Variants in ZNF626 observed in about 807,000 individuals in gnomAD.
The protein encoded by ZNF626 is CTC-513N18.7.
In ZNF626, 4 loss-of-function variants were observed where a neutral mutation model predicts 11.7. The observed-to-expected ratio is 0.34, with a 90% confidence interval of 0.17 to 0.78. The LOEUF (loss-of-function observed/expected upper bound fraction) is 0.78, where lower values mean the gene tolerates loss of function less well. Ranked by LOEUF, ZNF626 falls within the 30% of genes least tolerant of loss-of-function variation. The pLI is 0.57. For missense variants in ZNF626, 588 were observed against 587.1 expected (o/e 1.00, Z -0.01); for synonymous variants, 179 against 198.6 (o/e 0.90, Z 0.83).
Position 20,625,085 on chromosome 19 carries a change from T to C in ZNF626, c.792A>G (p.Lys264=), listed in dbSNP as rs1555769371. 6.2e-7 allele frequency: 1 copy of C among 1,613,568 alleles called. No homozygotes were observed. The highest frequency in any genetic ancestry group is 2.2e-5 in the East Asian group (1 of 44,844). The change falls in exon 4 of 4, where the codon AAA becomes AAG. Residue 264 remains lysine, a synonymous_variant. Coordinates refer to ENST00000601440, the MANE Select transcript of ZNF626 (RefSeq NM_001076675.3). ...TAAGGGTTGAGGATGACATAAAGGC[T>C]TTGCCACATTTATCACACTTGTAGG... is the stretch of plus-strand genomic sequence containing the variant. ...EKPYKCDKCG[K]AFMSSSTLSK... is the part of the protein sequence containing the mutation.
rs552630903 is a variant in ZNF626, at chr19:20,648,915, G to C, written c.4-2510C>G. On this transcript the variant is annotated intron_variant, in intron 1 of 3. Transcript: ENST00000601440. ...CTATGATGCGGAGAATAAGGAGAAG[G>C]CTCTGAAATATAGGAAAGAAATATT... Among the ~76,000 whole-genome samples, 142 of 152,288 alleles carry C rather than the reference G, an allele frequency of 9.3e-4. 1 individual carries two copies. The highest frequency in any genetic ancestry group is 3.4e-3 in the Middle Eastern group (1 of 294).
intron 1 of ZNF626, among the ~76,000 whole-genome samples, chr19:20,647,761 C>T (rs1483431537): frequency 2.6e-5 from 4 of 152,046 alleles, no homozygotes; most frequent in African/African-American, 9.7e-5. Context: ...GCTGGGATTA[C>T]AGGTGTGAGC....
chr19:20,639,395 T>C (rs1314663678), intron 3 of ZNF626, among the ~76,000 whole-genome samples: 4 of 151,902 alleles, frequency 2.6e-5, no homozygotes, highest in African/African-American at 9.7e-5. Context: ...AAAATATTCT[T>C]ATTTGCATCT....
chr19:20,644,397 C>T (rs1970053143), intron 3 of ZNF626, among the ~76,000 whole-genome samples: 2 of 152,290 alleles, frequency 1.3e-5, no homozygotes, highest in Admixed American at 6.5e-5. Context: ...ATTACAACTA[C>T]CCAAGCCCCT....
intron 1 of ZNF626, among the ~76,000 whole-genome samples, chr19:20,654,915 A>T (rs1042589402): frequency 1.2e-4 from 19 of 152,024 alleles, no homozygotes; most frequent in African/African-American, 4.6e-4. Flanking sequence ...GTTCAAGTTC[A>T]AGCTGGCAAA....
chr19:20,633,867 C>T (rs527662436), intron 3 of ZNF626, among the ~76,000 whole-genome samples: 3 of 152,284 alleles, frequency 2.0e-5, no homozygotes, highest in East Asian at 1.9e-4. Flanking sequence ...ACAAATCACC[C>T]ATCTTCTATA....
chr19:20,633,327 T>C (rs1555770580), intron 3 of ZNF626, among the ~76,000 whole-genome samples: 1 of 152,190 alleles, frequency 6.6e-6, no homozygotes, highest in East Asian at 1.9e-4. Context: ...GAGAGGGACA[T>C]TTAAGTCTGC....
At chr19:20,651,488 C>T (rs1262063115) in intron 1 of ZNF626, among the ~76,000 whole-genome samples, 3 of 151,950 alleles carry the variant, frequency 2.0e-5, no homozygotes, top group African/African-American at 7.3e-5. Context: ...GTTTATCATC[C>T]CAGTACCAGG....
Position 20,624,689 on chromosome 19 carries a change from G to A in ZNF626, c.1188C>T (p.Pro396=), listed in dbSNP as rs1555769261. ...CTTTGCCACATTCTTCACATTTGTA[G>A]GGTTTCTCTCCAGTATGAATTATCT... ...THKIIHTGEK[P]YKCEECGKAF... The change falls in exon 4 of 4, where the codon CCC becomes CCT. Residue 396 remains proline, a synonymous_variant. Coordinates refer to ENST00000601440, the MANE Select transcript of ZNF626 (RefSeq NM_001076675.3). The A allele has an allele frequency of 6.2e-7, 1 of 1,609,972 alleles. No homozygotes were observed. Among genetic ancestry groups the A allele is most frequent in the Non-Finnish European group, 8.5e-7 (1 of 1,178,174 alleles).
At chr19:20,635,606 C>T (rs1431320477) in intron 3 of ZNF626, among the ~76,000 whole-genome samples, 3 of 152,132 alleles carry the variant, frequency 2.0e-5, no homozygotes, top group African/African-American at 7.2e-5. Context: ...CAGGCATAAG[C>T]CACCGCGCCC....
At chr19:20,638,450 T>TAAATAAATAAATAAATAAAC (rs1969989099) in intron 3 of ZNF626, among the ~76,000 whole-genome samples, 1 of 150,618 alleles carries the variant, frequency 6.6e-6, no homozygotes, top group African/African-American at 2.4e-5. Flanking sequence ...AATAAATAAA[T>TAAATAAATAAATAAATAAAC]AAATAAAATT....
chr19:20,650,611 C>T (rs566725608), intron 1 of ZNF626, among the ~76,000 whole-genome samples: 8 of 152,240 alleles, frequency 5.3e-5, no homozygotes, highest in Non-Finnish European at 1.0e-4. Context: ...TAGGGTCAGA[C>T]GTAAATAAGG....
intron 3 of ZNF626, among the ~76,000 whole-genome samples, chr19:20,637,180 A>C (rs2144776034): frequency 6.6e-6 from 1 of 152,298 alleles, no homozygotes; most frequent in Non-Finnish European, 1.5e-5. Context: ...TAGAATATAA[A>C]AAACAATATG....
chr19:20,646,467 T>G, intron 1 of ZNF626, 62 bp from the exon 2 acceptor site: 1 of 1,611,732 alleles, frequency 6.2e-7, no homozygotes. Context: ...TTAATTTGAC[T>G]TAAGGTGAAA....
rs1969820358 is a variant in ZNF626 at position 20,625,595 on chromosome 19, A to G, written c.282T>C (p.Ser94=). Residue 94 remains serine, a synonymous_variant, in exon 4 of 4, where the codon TCT becomes TCC. Transcript: ENST00000601440. The part of the protein sequence containing the change: ...DLWPEQSMKD[S]FQKVVLRRYE... Reference sequence around the variant, plus strand: ...ATCTTCTCAGTACCACTTTTTGGAAAGAATCTTTCATGCTCTGCTCTGGCC... The same window carrying G: ...ATCTTCTCAGTACCACTTTTTGGAAGGAATCTTTCATGCTCTGCTCTGGCC... The G allele has an allele frequency of 6.3e-7, 1 of 1,599,498 alleles. No individual in the cohort carries two copies. Among genetic ancestry groups the G allele is most frequent in the East Asian group, 2.2e-5 (1 of 44,810 alleles).
chr19:20,643,608 A>T (rs1970045880), intron 3 of ZNF626, among the ~76,000 whole-genome samples: 1 of 152,222 alleles, frequency 6.6e-6, no homozygotes, highest in Non-Finnish European at 1.5e-5. Context: ...GGAGAGTGAC[A>T]TCAGTAAGAT....
intron 1 of ZNF626, among the ~76,000 whole-genome samples, chr19:20,658,076 A>G (rs1970224270): frequency 6.6e-6 from 1 of 151,918 alleles, no homozygotes; most frequent in Non-Finnish European, 1.5e-5. Flanking sequence ...ACAAACCCAC[A>G]TGTGTACACC....
chr19:20,637,283 G>A (rs1363444497), intron 3 of ZNF626, among the ~76,000 whole-genome samples: 5 of 151,972 alleles, frequency 3.3e-5, no homozygotes, highest in East Asian at 1.9e-4. Flanking sequence ...CCAGGACTTC[G>A]AGACCAGCCT....
chr19:20,633,099 G>A (rs1375193919), intron 3 of ZNF626, among the ~76,000 whole-genome samples: 6 of 152,100 alleles, frequency 3.9e-5, no homozygotes, highest in East Asian at 1.9e-4. Flanking sequence ...GCAGAACAGC[G>A]GATTTTGCTG....
Sources: allele counts gnomAD v4.1 joint callset (sites outside exome capture counted in the v4.1 genomes callset), GRCh38; gene constraint gnomAD v4.1.1; transcripts MANE v1.5; gene names NCBI Gene and HGNC (gene_info 2026-07-23, HGNC 2026-07-21).